The following SEC22A variants were observed in gnomAD, a reference collection of about 807,000 sequenced individuals.
SEC22A encodes SEC22 homolog A, vesicle trafficking protein.
SEC22A carries 22 observed loss-of-function variants against 35.3 expected under a neutral mutation model. That is an observed-to-expected ratio of 0.62 (90% CI 0.45 to 0.89). SEC22A has a LOEUF of 0.89. Among genes scored for constraint, SEC22A ranks in the 40% least tolerant of loss-of-function variants. The pLI, the probability that SEC22A is intolerant of heterozygous loss-of-function variation, is 0.00. For missense variants in SEC22A, 354 were observed against 362.5 expected (o/e 0.98, Z 0.19); for synonymous variants, 119 against 129.5 (o/e 0.92, Z 0.55).
chr3:123,269,611 T>C (rs1938111067), intron 6 of SEC22A, among the ~76,000 whole-genome samples: 1 of 150,250 alleles, frequency 6.7e-6, no homozygotes, highest in South Asian at 2.1e-4. Context: ...TCTTCAAGAC[T>C]GTCAAGGACA....
intron 6 of SEC22A, among the ~76,000 whole-genome samples, chr3:123,260,676 A>G (rs1314182978): frequency 6.6e-6 from 1 of 152,244 alleles, no homozygotes; most frequent in African/African-American, 2.4e-5. Context: ...AGCTTGAATT[A>G]GAAAAAATGT....
At chr3:123,259,700 T>G in intron 6 of SEC22A, 111 bp downstream of exon 6, 1 of 778,076 alleles carries the variant, frequency 1.3e-6, no homozygotes, top group Non-Finnish European at 2.1e-6. Context: ...GTTCTTTGCT[T>G]CTCTTTTAAT....
chr3:123,205,517 A>G (rs1576481061), intron 1 of SEC22A, among the ~76,000 whole-genome samples: 1 of 152,048 alleles, frequency 6.6e-6, no homozygotes, highest in Non-Finnish European at 1.5e-5. Flanking sequence ...GTTAAGCCCC[A>G]TCTCTACTAA....
chr3:123,262,435 A>G (rs1448422973), intron 6 of SEC22A, among the ~76,000 whole-genome samples: 4 of 152,202 alleles, frequency 2.6e-5, no homozygotes, highest in Non-Finnish European at 4.4e-5. Flanking sequence ...CTCTCTATGT[A>G]TGTGCATATA....
chr3:123,224,101 C>A (rs1212204391), intron 3 of SEC22A, among the ~76,000 whole-genome samples: 1 of 152,118 alleles, frequency 6.6e-6, no homozygotes, highest in Non-Finnish European at 1.5e-5. Flanking sequence ...CTTTAAGGAT[C>A]ATATAGTCCC....
intron 4 of SEC22A, among the ~76,000 whole-genome samples, chr3:123,243,506 A>G (rs1341308270): frequency 6.6e-6 from 1 of 152,004 alleles, no homozygotes; most frequent in Non-Finnish European, 1.5e-5. Context: ...CATTTTATCT[A>G]TCTTCAAAGC....
intron 1 of SEC22A, among the ~76,000 whole-genome samples, chr3:123,205,884 A>G (rs1164615292): frequency 2.0e-5 from 3 of 152,194 alleles, no homozygotes; most frequent in African/African-American, 4.8e-5. Context: ...CATGGGACAC[A>G]TTAGATATTC....
At chr3:123,267,917 T>A (rs1938062337) in intron 6 of SEC22A, among the ~76,000 whole-genome samples, 2 of 152,216 alleles carry the variant, frequency 1.3e-5, no homozygotes, top group Non-Finnish European at 2.9e-5. Flanking sequence ...TGGTTTCTGA[T>A]GAGAATCCCA....
At chr3:123,213,657 A>G (rs1014928541) in intron 2 of SEC22A, among the ~76,000 whole-genome samples, 11 of 152,066 alleles carry the variant, frequency 7.2e-5, no homozygotes, top group Non-Finnish European at 1.3e-4. Context: ...GTTGTAACTC[A>G]TTGAGGGAAT....
At chr3:123,205,646 C>CAGTG (rs1936839866) in intron 1 of SEC22A, among the ~76,000 whole-genome samples, 1 of 152,084 alleles carries the variant, frequency 6.6e-6, no homozygotes, top group Non-Finnish European at 1.5e-5. Flanking sequence ...CATTGCACTC[C>CAGTG]AGCCTGGGCA....
chr3:123,228,402 T>TAAA (rs754123559), intron 4 of SEC22A, among the ~76,000 whole-genome samples: 17 of 90,122 alleles, frequency 1.9e-4, no homozygotes, highest in African/African-American at 5.6e-4. Flanking sequence ...CCGTCTCTAC[T>TAAA]AAAAAAAAAA....
intron 2 of SEC22A, among the ~76,000 whole-genome samples, chr3:123,218,961 A>G (rs763887279): frequency 1.4e-4 from 21 of 152,214 alleles, no homozygotes; most frequent in Non-Finnish European, 1.9e-4. Flanking sequence ...ACAAAAATAT[A>G]TTAATATACA....
intron 4 of SEC22A, among the ~76,000 whole-genome samples, chr3:123,227,336 G>A (rs1196926873): frequency 6.6e-6 from 1 of 152,080 alleles, no homozygotes; most frequent in Admixed American, 6.5e-5. Context: ...TAACAGTTAA[G>A]TCAGCAACTG....
intron 6 of SEC22A, among the ~76,000 whole-genome samples, chr3:123,264,581 T>A (rs531811022): frequency 6.6e-6 from 1 of 152,132 alleles, no homozygotes; most frequent in African/African-American, 2.4e-5. Context: ...CATTGTTTCA[T>A]GTATTTGTCA....
At chr3:123,262,177 A>G (rs1381594319) in intron 6 of SEC22A, among the ~76,000 whole-genome samples, 1 of 152,164 alleles carries the variant, frequency 6.6e-6, no homozygotes, top group African/African-American at 2.4e-5. Flanking sequence ...CTGAAAAGCC[A>G]TTACCACATG....
At chr3:123,228,117 CA>C (rs2108053318) in intron 4 of SEC22A, among the ~76,000 whole-genome samples, 2 of 152,082 alleles carry the variant, frequency 1.3e-5, no homozygotes, top group South Asian at 4.1e-4. Flanking sequence ...TAACAAATTT[CA>C]TTAAAATAAT....
At chr3:123,226,818 T>A (rs973065628) in intron 4 of SEC22A, among the ~76,000 whole-genome samples, 1 of 152,268 alleles carries the variant, frequency 6.6e-6, no homozygotes, top group Non-Finnish European at 1.5e-5. Context: ...GTTTCCCCAA[T>A]GTTATCTTTT....
chr3:123,265,517 T>C (rs896059134), intron 6 of SEC22A, among the ~76,000 whole-genome samples: 5 of 152,104 alleles, frequency 3.3e-5, no homozygotes, highest in Non-Finnish European at 7.4e-5. Context: ...CTTTTCATCC[T>C]CTTAACAGGG....
At chr3:123,250,493 TAGG>T (rs1437738518) in intron 5 of SEC22A, among the ~76,000 whole-genome samples, 29 of 152,262 alleles carry the variant, frequency 1.9e-4, no homozygotes, top group South Asian at 6.2e-4. Flanking sequence ...ATTCTTTAGT[TAGG>T]TGTTGCTCCA....
Sources: allele counts gnomAD v4.1 joint callset (sites outside exome capture counted in the v4.1 genomes callset), GRCh38; gene constraint gnomAD v4.1.1; transcripts MANE v1.5; gene names NCBI Gene and HGNC (gene_info 2026-07-23, HGNC 2026-07-21).